Variants in LRRC43 observed in about 807,000 individuals in gnomAD.
LRRC43 encodes leucine-rich repeat-containing protein 43.
A neutral mutation model predicts 64.3 loss-of-function variants in LRRC43; 62 were observed. That is an observed-to-expected ratio of 0.96 (90% CI 0.79 to 1.19). LRRC43 has a LOEUF of 1.19. LRRC43 is among the 50% of genes most tolerant of loss of function. LRRC43 has a pLI of 0.00. For synonymous variants in LRRC43, 422 were observed against 382.3 expected (o/e 1.10, Z -1.21); for missense variants, 868 against 845.0 (o/e 1.03, Z -0.34).
intron 7 of LRRC43, among the ~76,000 whole-genome samples, chr12:122,194,648 C>G (rs1953757074): frequency 6.6e-6 from 1 of 151,480 alleles, no homozygotes; most frequent in Non-Finnish European, 1.5e-5. Flanking sequence ...TCCTTTCTCT[C>G]TTTTTTGTGG....
chr12:122,182,522 CAAAAAAA>C (rs71082944), upstream of LRRC43, among the ~76,000 whole-genome samples: 1 of 28,860 alleles, frequency 3.5e-5, no homozygotes, highest in South Asian at 2.6e-3. Flanking sequence ...AACTCGGTCT[CAAAAAAA>C]AAAAAAAAAA....
intron 3 of LRRC43, among the ~76,000 whole-genome samples, chr12:122,186,635 C>T (rs539375460): frequency 6.6e-5 from 10 of 152,184 alleles, no homozygotes; most frequent in African/African-American, 2.4e-4. Flanking sequence ...AAAATGTGGA[C>T]AGGCCAGGCG....
intron 2 of LRRC43, among the ~76,000 whole-genome samples, chr12:122,185,061 T>G (rs1002806590): frequency 2.0e-5 from 3 of 152,110 alleles, no homozygotes; most frequent in African/African-American, 7.2e-5. Flanking sequence ...TAGTAAAGGT[T>G]TTTTGAAGGG....
chr12:122,183,387 G>A (rs1397081443), intron 1 of LRRC43, 93 bp downstream of exon 1: 16 of 1,310,152 alleles, frequency 1.2e-5, no homozygotes, highest in Non-Finnish European at 1.5e-5. Context: ...CCTGGGGCCT[G>A]GGATCTGCGC....
intron 10 of LRRC43, 142 bp from the exon 11 acceptor site, chr12:122,201,154 G>A: frequency 9.6e-7 from 1 of 1,046,552 alleles, no homozygotes; most frequent in East Asian, 2.4e-5. Flanking sequence ...TTTGGGGATG[G>A]GCTGGGGCAG....
At position 122,184,581 on chromosome 12, in the gene LRRC43, G is replaced by A. The variant is rs113382732; in HGVS notation, c.213G>A (p.Glu71=). 4.0e-5 allele frequency: 65 copies of A among 1,613,966 alleles called. No homozygotes were observed. In the African/African-American group the frequency reaches 4.9e-4, roughly 12 times the overall value. Residue 71 remains glutamate, a synonymous_variant, in exon 2 of 12, where the codon GAG becomes GAA. Transcript: ENST00000339777. This position sits in a 1 kb window ranked among gnomAD's most constrained non-coding sequence, Gnocchi z 4.0. ...GGAGGGAGCTTGTCCCCAGAGAGGA[G>A]GATGTGGTGAGCCCCGGAGAGGAGA... ...RTWRELVPRE[E]DVVSPGEETV...
At position 122,184,577 on chromosome 12, in the gene LRRC43, A is replaced by G. The variant is rs1314079858; in HGVS notation, c.209A>G (p.Glu70Gly). The G allele has an allele frequency of 6.2e-7, 1 of 1,613,846 alleles. No homozygotes were observed. The highest frequency in any genetic ancestry group is 8.5e-7 in the Non-Finnish European group (1 of 1,179,854). ...WRTWRELVPR[E>G]EDVVSPGEET... The stretch of plus-strand genomic sequence containing the variant: ...ACTTGGAGGGAGCTTGTCCCCAGAG[A>G]GGAGGATGTGGTGAGCCCCGGAGAG... The change falls in exon 2 of 12, where the codon GAG (glutamate) becomes GGG (glycine). Residue 70 changes from glutamate to glycine, a missense_variant. By Grantham distance (98) the Glu-to-Gly change is moderately conservative. Coordinates refer to ENST00000339777, the MANE Select transcript of LRRC43 (RefSeq NM_001098519.2). This position sits in a 1 kb window ranked among gnomAD's most constrained non-coding sequence, Gnocchi z 4.0.
Position 122,201,321 on chromosome 12 carries a change from C to T in LRRC43, c.1835C>T (p.Ala612Val), listed in dbSNP as rs755303819. ...ARDSKKIKKV[A>V]KKEKPKAVIP... ...GATTCAAAGAAGATTAAGAAAGTTG[C>T]CAAAAAAGGTGAGTGCCGATGGTGG... is the stretch of plus-strand genomic sequence containing the variant. Residue 612 changes from alanine (A) to valine (V), a missense_variant, in exon 11 of 12, where the codon GCC becomes GTC. Coordinates refer to ENST00000339777, the MANE Select transcript of LRRC43 (RefSeq NM_001098519.2). 8.1e-6 allele frequency: 13 copies of T among 1,613,802 alleles called. No individual in the cohort carries two copies. The highest frequency in any genetic ancestry group is 1.0e-5 in the Non-Finnish European group (12 of 1,179,892).
chr12:122,200,446 C>T lies in LRRC43; in HGVS notation c.1492-86C>T, dbSNP rs762220436. On this transcript the variant is annotated intron_variant, in intron 8 of 11. Transcript: ENST00000339777. This position sits in a 1 kb window ranked among gnomAD's most constrained non-coding sequence, Gnocchi z 4.6. The stretch of plus-strand genomic sequence containing the variant: ...ACTCCCTGGTTAGATGAGTTCTCAG[C>T]GCCATTCCAGAAAGGGTGAGGGAGA... 4.0e-4 allele frequency: 643 copies of T among 1,609,098 alleles called. No individual in the cohort carries two copies. Among genetic ancestry groups the T allele is most frequent in the Admixed American group, 5.8e-4 (35 of 59,978 alleles).
At chr12:122,174,989 G>T (rs1210794683) in intron 1 of LRRC43, among the ~76,000 whole-genome samples, 1 of 151,362 alleles carries the variant, frequency 6.6e-6, no homozygotes, top group East Asian at 2.0e-4. Flanking sequence ...ACAGGCACGT[G>T]CCACCATGCC....
chr12:122,190,053 G>A lies in LRRC43; in HGVS notation c.663-77G>A, dbSNP rs773828491. 38 of 1,174,236 alleles carry A rather than the reference G, an allele frequency of 3.2e-5. 1 individual carries two copies. The highest frequency in any genetic ancestry group is 1.9e-4 in the Middle Eastern group (1 of 5,248). 72.7% of individuals were successfully genotyped at this position (1,174,236 alleles called of 1,614,324 possible). A position where few individuals can be genotyped will look rare whatever the true frequency, so the allele number is the denominator to read the frequency against. ...CAGAATCCTTAGCCCCAGGCTCCCC[G>A]TCCGTTTTGGCCACAGGCTGCTTGC... On this transcript the variant is annotated intron_variant, in intron 4 of 11. Transcript: ENST00000339777.
intron 2 of LRRC43, 74 bp from the exon 3 acceptor site, chr12:122,186,116 C>A: frequency 2.5e-6 from 2 of 809,508 alleles, no homozygotes; most frequent in Non-Finnish European, 4.2e-6. Context: ...CGCTGTCTTC[C>A]TAATGTGGAC....
At chr12:122,183,379 T>G in intron 1 of LRRC43, 85 bp downstream of exon 1, 1 of 1,326,436 alleles carries the variant, frequency 7.5e-7, no homozygotes, top group Non-Finnish European at 9.7e-7. Flanking sequence ...GGCTGGTCCC[T>G]GGGGCCTGGG....
chr12:122,169,715 CAAAAAAA>C (rs1156784202), intron 1 of LRRC43, among the ~76,000 whole-genome samples: 14 of 49,464 alleles, frequency 2.8e-4, no homozygotes, highest in East Asian at 7.8e-4. Flanking sequence ...GACTCCGTCT[CAAAAAAA>C]AAAAAAAAAA....
intron 7 of LRRC43, among the ~76,000 whole-genome samples, chr12:122,197,540 C>T (rs943372588): frequency 4.6e-5 from 7 of 152,024 alleles, no homozygotes; most frequent in African/African-American, 7.2e-5. Context: ...TCGTGAGGTT[C>T]GTCACGTCCG....
chr12:122,195,777 G>A (rs1008798704), intron 7 of LRRC43, among the ~76,000 whole-genome samples: 10 of 152,108 alleles, frequency 6.6e-5, no homozygotes, highest in East Asian at 3.8e-4. Flanking sequence ...ATAGATGAAC[G>A]TTTTAAATCA....
In LRRC43 at chr12:122,190,277, C is replaced by G. The variant is rs773893539; in HGVS notation, c.810C>G (p.Thr270=). 1.9e-6 allele frequency: 3 copies of G among 1,614,070 alleles called. No homozygotes were observed. The highest frequency in any genetic ancestry group is 1.7e-5 in the Admixed American group (1 of 60,006). ...TGGTGCCCTACTACCGCGGCCTCACCATCGACAGCCTGGCCCAGCTCTGCG... is the reference window on the plus strand; with the variant it reads ...TGGTGCCCTACTACCGCGGCCTCACGATCGACAGCCTGGCCCAGCTCTGCG... ...LALVPYYRGL[T]IDSLAQLCVL... The change falls in exon 5 of 12, where the codon ACC becomes ACG. Residue 270 remains threonine (T), a synonymous_variant. Coordinates refer to ENST00000339777, the MANE Select transcript of LRRC43 (RefSeq NM_001098519.2).
At chr12:122,180,370 C>T (rs190825493), upstream of LRRC43, among the ~76,000 whole-genome samples, 9 of 151,746 alleles carry the variant, frequency 5.9e-5, no homozygotes, top group Non-Finnish European at 1.0e-4. Flanking sequence ...AATACAAAAA[C>T]TAGCTGGGCA....
chr12:122,187,676 C>CCGGAAGG (rs1953661208), intron 3 of LRRC43, 25 bp from the exon 4 acceptor site: 1 of 1,610,738 alleles, frequency 6.2e-7, no homozygotes, highest in Non-Finnish European at 8.5e-7. Context: ...CCCCATCGTC[C>CCGGAAGG]CGGGCCTTCC....
Sources: allele counts gnomAD v4.1 joint callset (sites outside exome capture counted in the v4.1 genomes callset), GRCh38; gene constraint gnomAD v4.1.1; non-coding constraint Gnocchi (gnomAD v3.1); transcripts MANE v1.5; gene names NCBI Gene and HGNC (gene_info 2026-07-23, HGNC 2026-07-21).